The following CHCHD6 variants were observed in gnomAD, a reference collection of about 807,000 sequenced individuals.
The protein encoded by CHCHD6 is MICOS complex subunit MIC25.
Under a neutral mutation model 32.3 loss-of-function variants are expected in CHCHD6, and 28 were observed. That is an observed-to-expected ratio of 0.87 (90% CI 0.64 to 1.19). The LOEUF (loss-of-function observed/expected upper bound fraction) is 1.19. Among genes scored for constraint, CHCHD6 ranks in the 50% most tolerant of loss-of-function variants. The pLI, the probability that CHCHD6 is intolerant of heterozygous loss-of-function variation, is 0.00. For missense variants in CHCHD6, 333 were observed against 307.0 expected (o/e 1.08, Z -0.63); for synonymous variants, 122 against 117.5 (o/e 1.04, Z -0.25).
intron 5 of CHCHD6, among the ~76,000 whole-genome samples, chr3:126,898,696 G>T (rs900793043): frequency 6.6e-6 from 1 of 151,950 alleles, no homozygotes; most frequent in Non-Finnish European, 1.5e-5. Context: ...CCGTCCCCAC[G>T]CCCAGCTAAT....
At chr3:126,944,919 C>T (rs2078613136) in intron 6 of CHCHD6, among the ~76,000 whole-genome samples, 1 of 152,204 alleles carries the variant, frequency 6.6e-6, no homozygotes, top group South Asian at 2.1e-4. Context: ...TTGGCCTTGC[C>T]TCTAGGCCTT....
chr3:126,847,707 T>C (rs549409880), intron 4 of CHCHD6, among the ~76,000 whole-genome samples: 17 of 152,246 alleles, frequency 1.1e-4, no homozygotes, highest in Non-Finnish European at 1.8e-4. Context: ...TCTATAATTT[T>C]ATTTGGTCTT....
chr3:126,850,834 G>A (rs189626871), intron 4 of CHCHD6, among the ~76,000 whole-genome samples: 18 of 152,274 alleles, frequency 1.2e-4, no homozygotes, highest in African/African-American at 3.6e-4. Flanking sequence ...CAGATTAGCC[G>A]TGCTTGCATT....
At chr3:126,843,154 C>A (rs541839875) in intron 4 of CHCHD6, among the ~76,000 whole-genome samples, 1 of 152,014 alleles carries the variant, frequency 6.6e-6, no homozygotes, top group Admixed American at 6.6e-5. Context: ...TTGTCAAATG[C>A]TTTTCTTACA....
chr3:126,804,486 A>G (rs939509193), intron 4 of CHCHD6, among the ~76,000 whole-genome samples: 19 of 152,242 alleles, frequency 1.2e-4, no homozygotes, highest in Non-Finnish European at 2.2e-4. Context: ...ATTCCTCGAC[A>G]CATACACCCT....
intron 5 of CHCHD6, among the ~76,000 whole-genome samples, chr3:126,893,322 T>G (rs577981076): frequency 4.5e-4 from 69 of 152,328 alleles, no homozygotes; most frequent in African/African-American, 1.6e-3. Flanking sequence ...AATAATTATT[T>G]GGATTCCTGA....
At chr3:126,885,647 G>A (rs2077669384) in intron 5 of CHCHD6, among the ~76,000 whole-genome samples, 1 of 152,180 alleles carries the variant, frequency 6.6e-6, no homozygotes, top group Non-Finnish European at 1.5e-5. Flanking sequence ...GGAAGGTGGT[G>A]TATATCTAAA....
intron 6 of CHCHD6, among the ~76,000 whole-genome samples, chr3:126,931,041 C>A (rs1003652006): frequency 1.3e-5 from 2 of 152,252 alleles, no homozygotes; most frequent in African/African-American, 2.4e-5. Context: ...ACTGGCTGCC[C>A]TGTCATCAGA....
chr3:126,791,422 T>C (rs1938535739), intron 4 of CHCHD6, among the ~76,000 whole-genome samples: 1 of 152,200 alleles, frequency 6.6e-6, no homozygotes, highest in South Asian at 2.1e-4. Context: ...CCCCCAGAGG[T>C]GGAGTCTACA....
intron 4 of CHCHD6, among the ~76,000 whole-genome samples, chr3:126,835,500 TCTGGGCATGGAAG>T (rs1940819783): frequency 6.6e-6 from 1 of 152,162 alleles, no homozygotes; most frequent in Non-Finnish European, 1.5e-5. Context: ...GTGGGGATTC[TCTGGGCATGGAAG>T]ACCACACACA....
chr3:126,927,372 G>T (rs2078339891), intron 6 of CHCHD6, among the ~76,000 whole-genome samples: 1 of 152,232 alleles, frequency 6.6e-6, no homozygotes, highest in Admixed American at 6.5e-5. Context: ...GCTGTCTGGG[G>T]GGTGGTGGGC....
At chr3:126,814,696 CT>C (rs1306686878) in intron 4 of CHCHD6, among the ~76,000 whole-genome samples, 1 of 152,132 alleles carries the variant, frequency 6.6e-6, no homozygotes, top group African/African-American at 2.4e-5. Flanking sequence ...TTGCCCTGTG[CT>C]TTTTTTCATC....
chr3:126,708,613 A>G (rs1167487384), intron 1 of CHCHD6, among the ~76,000 whole-genome samples: 1 of 148,444 alleles, frequency 6.7e-6, no homozygotes, highest in Non-Finnish European at 1.5e-5. Context: ...ACCTGAGCCC[A>G]GTGGTTCGAG....
chr3:126,815,058 G>T (rs1295592071), intron 4 of CHCHD6, among the ~76,000 whole-genome samples: 1 of 152,206 alleles, frequency 6.6e-6, no homozygotes, highest in African/African-American at 2.4e-5. Flanking sequence ...CTTCTGTATT[G>T]ATTGTTGTGT....
At chr3:126,911,497 G>A (rs2078090049) in intron 5 of CHCHD6, among the ~76,000 whole-genome samples, 1 of 152,236 alleles carries the variant, frequency 6.6e-6, no homozygotes, top group African/African-American at 2.4e-5. Context: ...GGGAGCTGCG[G>A]TTGTGAGGAC....
intron 5 of CHCHD6, among the ~76,000 whole-genome samples, chr3:126,868,449 A>T (rs1020316347): frequency 2.8e-4 from 42 of 150,734 alleles, no homozygotes; most frequent in African/African-American, 8.5e-4. Flanking sequence ...TTTTTTTTTA[A>T]AAAAAAAAAA....
intron 4 of CHCHD6, among the ~76,000 whole-genome samples, chr3:126,778,911 C>T (rs1463545253): frequency 6.6e-6 from 1 of 151,590 alleles, no homozygotes; most frequent in African/African-American, 2.4e-5. Flanking sequence ...TGTGCCACCA[C>T]GCCTGGCTCA....
intron 4 of CHCHD6, among the ~76,000 whole-genome samples, chr3:126,833,536 C>T (rs541473659): frequency 9.9e-5 from 15 of 152,284 alleles, no homozygotes; most frequent in East Asian, 5.8e-4. Flanking sequence ...AGCAGTGTGG[C>T]GAGTGGGAAG....
chr3:126,946,367 G>A (rs774698905), intron 6 of CHCHD6, among the ~76,000 whole-genome samples: 1 of 152,212 alleles, frequency 6.6e-6, no homozygotes, highest in Non-Finnish European at 1.5e-5. Flanking sequence ...AAGAGGAATG[G>A]CCCTTTCTTC....
Sources: allele counts gnomAD v4.1 joint callset (sites outside exome capture counted in the v4.1 genomes callset), GRCh38; gene constraint gnomAD v4.1.1; transcripts MANE v1.5; gene names NCBI Gene and HGNC (gene_info 2026-07-23, HGNC 2026-07-21).